MTA3: variants seen among roughly 807,000 people sequenced by gnomAD.
MTA3 encodes the protein metastasis associated 1 family member 3, also known as metastasis-associated protein MTA3.
Under a neutral mutation model 83.5 loss-of-function variants are expected in MTA3, and 34 were observed. The ratio of observed to expected loss-of-function variants is 0.41; its 90% CI spans 0.31 to 0.54. MTA3 has a LOEUF of 0.54. MTA3 is among the 20% of genes least tolerant of loss of function. MTA3 has a pLI of 0.33. For missense variants in MTA3, 761 were observed against 726.4 expected (o/e 1.05, Z -0.55); for synonymous variants, 303 against 252.7 (o/e 1.20, Z -1.89).
rs1489926359 is a variant in MTA3 at position 42,707,952 on chromosome 2, T to C, written c.1200T>C (p.Cys400=). 10 of 1,613,348 alleles carry C rather than the reference T, an allele frequency of 6.2e-6. No homozygotes were observed. Among genetic ancestry groups the C allele is most frequent in the African/African-American group, 1.3e-5 (1 of 75,032 alleles). Residue 400 remains cysteine (C), a synonymous_variant, in exon 13 of 17, where the codon TGT becomes TGC. Coordinates refer to ENST00000405094, the MANE Select transcript of MTA3 (RefSeq NM_001330442.2). ...WYSWGPPNMQ[C]RLCAICWLYW... ...CTTGGGGCCCACCTAATATGCAGTG[T>C]AGATTATGTGCAATTTGTTGGCTTT...
At chr2:42,599,154 C>T (rs1258108149) in intron 3 of MTA3, among the ~76,000 whole-genome samples, 1 of 152,156 alleles carries the variant, frequency 6.6e-6, no homozygotes, top group Non-Finnish European at 1.5e-5. Flanking sequence ...CAAGTTTTTC[C>T]TGAGCCAGTG....
chr2:42,519,520 C>T (rs1388857709), intron 2 of MTA3, among the ~76,000 whole-genome samples: 1 of 151,884 alleles, frequency 6.6e-6, no homozygotes, highest in Non-Finnish European at 1.5e-5. Flanking sequence ...GCAGGAGAAT[C>T]CCTTGAACCT....
At chr2:42,687,154 A>G (rs1351124281) in intron 9 of MTA3, among the ~76,000 whole-genome samples, 1 of 152,186 alleles carries the variant, frequency 6.6e-6, no homozygotes, top group Middle Eastern at 3.4e-3. Context: ...CATCACCACA[A>G]TCAAGACACA....
At chr2:42,675,111 G>A (rs1691218749) in intron 8 of MTA3, among the ~76,000 whole-genome samples, 1 of 151,758 alleles carries the variant, frequency 6.6e-6, no homozygotes, top group Admixed American at 6.6e-5. Flanking sequence ...TTAATGCTTA[G>A]TTTCAAAATT....
chr2:42,539,906 A>G (rs1676444452), intron 2 of MTA3, among the ~76,000 whole-genome samples: 1 of 152,028 alleles, frequency 6.6e-6, no homozygotes, highest in East Asian at 1.9e-4. Context: ...CTACACTCTA[A>G]ATTCCTTAAG....
intron 2 of MTA3, among the ~76,000 whole-genome samples, chr2:42,555,584 C>A (rs930150080): frequency 2.0e-5 from 3 of 146,420 alleles, no homozygotes; most frequent in Non-Finnish European, 4.5e-5. Flanking sequence ...CACAGTGAAA[C>A]CCCATCTCTA....
chr2:42,622,343 G>C (rs916548805), intron 4 of MTA3, among the ~76,000 whole-genome samples: 1 of 151,198 alleles, frequency 6.6e-6, no homozygotes, highest in Non-Finnish European at 1.5e-5. Flanking sequence ...TGCAGTGAGC[G>C]GAGATGGCAG....
intron 3 of MTA3, among the ~76,000 whole-genome samples, chr2:42,595,912 C>A (rs1681737616): frequency 6.6e-6 from 1 of 152,148 alleles, no homozygotes; most frequent in South Asian, 2.1e-4. Context: ...GTCCATCTTA[C>A]ATTATATATG....
At chr2:42,523,718 G>A (rs1300911748) in intron 2 of MTA3, among the ~76,000 whole-genome samples, 1 of 152,066 alleles carries the variant, frequency 6.6e-6, no homozygotes, top group Non-Finnish European at 1.5e-5. Context: ...TTTCAGACCA[G>A]TTTGGGCAAT....
chr2:42,606,815 C>T (rs954658963), intron 3 of MTA3, among the ~76,000 whole-genome samples: 8 of 150,168 alleles, frequency 5.3e-5, no homozygotes, highest in South Asian at 2.2e-4. Flanking sequence ...AACGAGACTC[C>T]GTCTGCAATC....
rs187517518 is a variant in MTA3 at position 42,586,666 on chromosome 2, G to C, written c.190+7466G>C. Among the ~76,000 whole-genome samples the C allele has an allele frequency of 1.7e-3, 251 of 151,822 alleles. 1 individual carries two copies. Among genetic ancestry groups the C allele is most frequent in the African/African-American group, 5.9e-3 (244 of 41,428 alleles). On this transcript the variant is annotated intron_variant, in intron 3 of 16. Coordinates refer to ENST00000405094, the MANE Select transcript of MTA3 (RefSeq NM_001330442.2). ...CAGCGCTTTGGCTTCCAGCACTTTG[G>C]GGGCCCGAGACGGGTAGATCACTTG...
At position 42,526,177 on chromosome 2, in the gene MTA3, C is replaced by T. The variant is rs116148035; in HGVS notation, c.-141+30923C>T. On this transcript the variant is annotated intron_variant, in intron 2 of 17. Coordinates refer to the MTA3 transcript ENST00000405592. ...CCCAGATAAAGCCCCAGAGAAAGGC[C>T]GGTACAGGGGTGGCTGCCTTCCCTT... 6.7e-3 allele frequency among the ~76,000 whole-genome samples: 1,022 copies of T among 152,166 alleles called. 6 individuals are homozygous for T. Among genetic ancestry groups the T allele is most frequent in the African/African-American group, 0.023 (939 of 41,518 alleles).
intron 2 of MTA3, among the ~76,000 whole-genome samples, chr2:42,523,244 C>T (rs1277036406): frequency 1.3e-5 from 2 of 152,152 alleles, no homozygotes; most frequent in African/African-American, 4.8e-5. Context: ...AGATGCCCCC[C>T]AAATCCACTC....
intron 2 of MTA3, among the ~76,000 whole-genome samples, chr2:42,550,862 C>A (rs1406795407): frequency 1.3e-5 from 2 of 151,698 alleles, no homozygotes; most frequent in East Asian, 1.9e-4. Context: ...GCCAACATGG[C>A]GAAACCCCAT....
At chr2:42,687,571 G>C (rs1692499105) in intron 9 of MTA3, among the ~76,000 whole-genome samples, 1 of 152,194 alleles carries the variant, frequency 6.6e-6, no homozygotes, top group Non-Finnish European at 1.5e-5. Context: ...TGGGAAATAT[G>C]AGCCGTGGGG....
chr2:42,621,586 C>A (rs1414901766), intron 4 of MTA3, among the ~76,000 whole-genome samples: 1 of 152,246 alleles, frequency 6.6e-6, no homozygotes, highest in East Asian at 1.9e-4. Context: ...ACATTTCCCC[C>A]TTTTCTATTC....
chr2:42,559,644 T>C (rs1489585882), intron 2 of MTA3, among the ~76,000 whole-genome samples: 2 of 151,008 alleles, frequency 1.3e-5, no homozygotes, highest in Middle Eastern at 3.5e-3. Flanking sequence ...TTTGGGAGGC[T>C]AAGGCAGGTG....
At chr2:42,533,520 C>CCTTT (rs1553338797) in intron 2 of MTA3, 1 of 128,604 alleles carries the variant, frequency 7.8e-6, no homozygotes. Context: ...CTTTTCTTTT[C>CCTTT]TTTTTTTTTT....
intron 2 of MTA3, among the ~76,000 whole-genome samples, chr2:42,512,458 G>C (rs934181813): frequency 3.9e-5 from 6 of 152,196 alleles, no homozygotes; most frequent in Non-Finnish European, 8.8e-5. Context: ...ACATTTGCTA[G>C]TACTCTATGT....
Sources: allele counts gnomAD v4.1 joint callset (sites outside exome capture counted in the v4.1 genomes callset), GRCh38; gene constraint gnomAD v4.1.1; transcripts MANE v1.5; gene names NCBI Gene and HGNC (gene_info 2026-07-23, HGNC 2026-07-21).